USP42: variants seen among roughly 807,000 people sequenced by gnomAD.
The protein encoded by USP42 is ubiquitin carboxyl-terminal hydrolase 42.
USP42 carries 23 observed loss-of-function variants against 113.0 expected under a neutral mutation model. The ratio of observed to expected loss-of-function variants is 0.20; its 90% CI spans 0.15 to 0.29. The LOEUF (loss-of-function observed/expected upper bound fraction) is 0.29, where lower values mean the gene tolerates loss of function less well. USP42 is among the 10% of genes least tolerant of loss of function. The pLI is 1.00. For synonymous variants in USP42, 933 were observed against 699.0 expected, an observed-to-expected ratio of 1.33 and a Z score of -5.28; for missense variants, 2,174 against 1,779.8, an observed-to-expected ratio of 1.22 and a Z score of -3.99.
rs1046637685 is a variant in USP42 at position 6,156,678 on chromosome 7, G to A, written c.3642-76G>A. 3.8e-5 allele frequency: 56 copies of A among 1,455,052 alleles called. No homozygotes were observed. In the South Asian group the frequency reaches 6.9e-4, roughly 18 times the overall value. 90.1% of individuals were successfully genotyped at this position (1,455,052 alleles called of 1,614,324 possible). A position where few individuals can be genotyped will look rare whatever the true frequency, so the allele number is the denominator to read the frequency against. ...AGTGAATGTTCTCGGTGAATGGGTG[G>A]AAAGGCCAAGCTCCAGGGTCTGCTG... On this transcript the variant is annotated intron_variant, in intron 15 of 17. Coordinates refer to ENST00000306177, the MANE Select transcript of USP42 (RefSeq NM_032172.3).
chr7:6,130,031 G>T (rs1780763240), intron 3 of USP42, among the ~76,000 whole-genome samples: 1 of 152,006 alleles, frequency 6.6e-6, no homozygotes, highest in Non-Finnish European at 1.5e-5. Context: ...TGTTGTCCAG[G>T]CTGGAGTGCA....
upstream of USP42, among the ~76,000 whole-genome samples, chr7:6,102,274 CA>C (rs1790150435): frequency 6.7e-6 from 1 of 149,622 alleles, no homozygotes; most frequent in Non-Finnish European, 1.5e-5. Context: ...TCACCACAGC[CA>C]ACTGATTTTT....
At position 6,144,162 on chromosome 7, in the gene USP42, G is replaced by A. The variant is rs1323036992; in HGVS notation, c.956G>A (p.Arg319His). The stretch of plus-strand genomic sequence containing the variant: ...AATGTTCTTACACTTTCTCTGAAAC[G>A]TTTTGCAAATTTTACCGGTGGAAAA... ...SSNVLTLSLK[R>H]FANFTGGKIA... Residue 319 changes from arginine (R) to histidine (H), a missense_variant, in exon 9 of 18, where the codon CGT becomes CAT. Transcript: ENST00000306177. 1 of 1,594,856 alleles carries A rather than the reference G, an allele frequency of 6.3e-7. No individual in the cohort carries two copies. The highest frequency in any genetic ancestry group is 8.5e-7 in the Non-Finnish European group (1 of 1,174,002).
At position 6,159,492 on chromosome 7, in the gene USP42, T is replaced by TG. The variant is rs1208274481; in HGVS notation, c.*36+1dup. ...CTCAAAACAAAAAATTCACTAGTTA[T>TG]GGTAAGCTGTTTTCCTGTCTGTTTC... is the stretch of plus-strand genomic sequence containing the variant. On this transcript the variant is annotated splice_region_variant and 3_prime_UTR_variant, in exon 17 of 18. Coordinates refer to ENST00000306177, the MANE Select transcript of USP42 (RefSeq NM_032172.3). The surrounding 1 kb of genome is among the most constrained non-coding windows in gnomAD (Gnocchi z 4.1). 4.3e-6 allele frequency: 7 copies of TG among 1,613,478 alleles called. No individual in the cohort carries two copies. The highest frequency in any genetic ancestry group is 5.1e-6 in the Non-Finnish European group (6 of 1,179,518).
At chr7:6,119,703 G>GTTGTT (rs1170048653) in intron 3 of USP42, among the ~76,000 whole-genome samples, 1 of 151,810 alleles carries the variant, frequency 6.6e-6, no homozygotes, top group Non-Finnish European at 1.5e-5. Flanking sequence ...TGTTGTTGTT[G>GTTGTT]TTGTTTTGTT....
At position 6,157,086 on chromosome 7, in the gene USP42, A is replaced by G. The variant is rs774145856; in HGVS notation, c.3943+31A>G. 1.5e-5 allele frequency: 23 copies of G among 1,537,538 alleles called. No individual in the cohort carries two copies. Among genetic ancestry groups the G allele is most frequent in the East Asian group, 2.3e-5 (1 of 43,940 alleles). On this transcript the variant is annotated intron_variant, in intron 16 of 17. Coordinates refer to ENST00000306177, the MANE Select transcript of USP42 (RefSeq NM_032172.3). The surrounding 1 kb of genome is among the most constrained non-coding windows in gnomAD (Gnocchi z 4.1). Reference sequence around the variant, plus strand: ...AGGAGATACTTGGAATTAGGAAGATAGAAACTATTTCTTAATACATTTTCT... The same window carrying G: ...AGGAGATACTTGGAATTAGGAAGATGGAAACTATTTCTTAATACATTTTCT...
the USP42 span, among the ~76,000 whole-genome samples, chr7:6,083,491 A>G: frequency 2.0e-5 from 3 of 146,620 alleles, no homozygotes; most frequent in Admixed American, 2.0e-4. Flanking sequence ...CCTGACCTCA[A>G]GTAATCTGCC....
At position 6,150,403 on chromosome 7, in the gene USP42, T is replaced by C; in HGVS notation, c.2107-9T>C. 1 of 1,613,412 alleles carries C rather than the reference T, an allele frequency of 6.2e-7. No individual in the cohort carries two copies. The highest frequency in any genetic ancestry group is 8.5e-7 in the Non-Finnish European group (1 of 1,179,378). On this transcript the variant is annotated splice_polypyrimidine_tract_variant and intron_variant, in intron 13 of 17. Coordinates refer to ENST00000306177, the MANE Select transcript of USP42 (RefSeq NM_032172.3). Reference sequence around the variant, plus strand: ...GACTGAAGCTGAAATATTTTTGTTTTTATTGCAGTTGATGCCTGCTCCTTT... The same window carrying C: ...GACTGAAGCTGAAATATTTTTGTTTCTATTGCAGTTGATGCCTGCTCCTTT...
chr7:6,092,054 T>TTCTTCTTCTTCTTCTTTCTTC, the USP42 span, among the ~76,000 whole-genome samples: 1 of 37,908 alleles, frequency 2.6e-5, no homozygotes, highest in Admixed American at 3.1e-4. Flanking sequence ...CTTCTTCTTC[T>TTCTTCTTCTTCTTCTTTCTTC]TTCTTCTTCT....
At position 6,139,002 on chromosome 7, in the gene USP42, C is replaced by G; in HGVS notation, c.554-90C>G. ...AGTAAGTATTTGGGAGTTTTCCAAC[C>G]AACATATTATTATAAGATATATTTT... On this transcript the variant is annotated intron_variant, in intron 4 of 17. Coordinates refer to ENST00000306177, the MANE Select transcript of USP42 (RefSeq NM_032172.3). This position sits in a 1 kb window ranked among gnomAD's most constrained non-coding sequence, Gnocchi z 4.5. 1.3e-6 allele frequency: 1 copy of G among 797,422 alleles called. No individual in the cohort carries two copies. Among genetic ancestry groups the G allele is most frequent in the Non-Finnish European group, 1.9e-6 (1 of 516,036 alleles). 49.4% of individuals were successfully genotyped at this position (797,422 alleles called of 1,614,324 possible).
rs754691380 is a variant in USP42 at position 6,158,077 on chromosome 7, G to T, written c.3943+1022G>T. ...AGTCACCAGACTTTGTATGAACTTG[G>T]AGTTAAGAATGGTTTTAACCTTTTT... On this transcript the variant is annotated intron_variant, in intron 16 of 17. Transcript: ENST00000306177. The surrounding 1 kb of genome is among the most constrained non-coding windows in gnomAD (Gnocchi z 4.2). Among the ~76,000 whole-genome samples, 4 of 152,220 alleles carry T rather than the reference G, an allele frequency of 2.6e-5. No individual in the cohort carries two copies. Among genetic ancestry groups the T allele is most frequent in the African/African-American group, 9.6e-5 (4 of 41,458 alleles).
chr7:6,122,288 T>G (rs1302796900), intron 3 of USP42, among the ~76,000 whole-genome samples: 4 of 151,672 alleles, frequency 2.6e-5, no homozygotes, highest in South Asian at 2.1e-4. Flanking sequence ...AGTTTTTTTT[T>G]TTTTTTTTTT....
chr7:6,120,561 A>G (rs1178044312), intron 3 of USP42, among the ~76,000 whole-genome samples: 4 of 151,586 alleles, frequency 2.6e-5, no homozygotes, highest in African/African-American at 4.8e-5. Context: ...CAGCCTTTCA[A>G]AGTGTTGGGA....
intron 2 of USP42, chr7:6,111,652 G>T (rs1779602906): frequency 4.0e-6 from 1 of 248,820 alleles, no homozygotes; most frequent in African/African-American, 2.3e-5. Context: ...ACCCAGGCTG[G>T]AGTGCAGTGG....
chr7:6,085,841 C>G, the USP42 span, among the ~76,000 whole-genome samples: 1 of 150,504 alleles, frequency 6.6e-6, no homozygotes, highest in Non-Finnish European at 1.5e-5. Flanking sequence ...TTTTGAACTC[C>G]TGACCTTGTG....
intron 1 of USP42, among the ~76,000 whole-genome samples, chr7:6,105,809 C>T (rs554626339): frequency 4.7e-4 from 72 of 152,304 alleles, no homozygotes; most frequent in African/African-American, 1.4e-3. Context: ...AACAAGTTTT[C>T]CCATCTAGGA....
intron 3 of USP42, among the ~76,000 whole-genome samples, chr7:6,125,785 T>G (rs571332932): frequency 6.6e-6 from 1 of 152,154 alleles, no homozygotes; most frequent in South Asian, 2.1e-4. Context: ...TGCTCAGGGG[T>G]TGTTTATTTT....
At chr7:6,117,065 A>G (rs1779952704) in intron 3 of USP42, 4 of 296,512 alleles carry the variant, frequency 1.3e-5, no homozygotes, top group South Asian at 1.2e-4. Flanking sequence ...CAAATTACAC[A>G]TATTTAAAAT....
intron 11 of USP42, among the ~76,000 whole-genome samples, chr7:6,146,629 C>T (rs1251891181): frequency 6.6e-6 from 1 of 152,132 alleles, no homozygotes; most frequent in East Asian, 1.9e-4. Context: ...TGAGCCACTG[C>T]ATTCCAGCCT....
Sources: allele counts gnomAD v4.1 joint callset (sites outside exome capture counted in the v4.1 genomes callset), GRCh38; gene constraint gnomAD v4.1.1; non-coding constraint Gnocchi (gnomAD v3.1); transcripts MANE v1.5; gene names NCBI Gene and HGNC (gene_info 2026-07-23, HGNC 2026-07-21).